The following CNTN5 variants were observed in gnomAD, a reference collection of about 807,000 sequenced individuals.
The protein encoded by CNTN5 is contactin 5, also known as contactin-5.
Under a neutral mutation model 129.1 loss-of-function variants are expected in CNTN5, and 77 were observed. The observed-to-expected ratio is 0.60, with a 90% confidence interval of 0.50 to 0.72. The LOEUF (loss-of-function observed/expected upper bound fraction) is 0.72. CNTN5 is among the 30% of genes least tolerant of loss of function. CNTN5 has a pLI of 0.00. For missense variants in CNTN5, 1,478 were observed against 1,328.8 expected (o/e 1.11, Z -1.75); for synonymous variants, 509 against 465.6 (o/e 1.09, Z -1.20).
Position 99,717,595 on chromosome 11 carries a change from G to A in CNTN5, c.56-101949G>A, listed in dbSNP as rs759891156. On this transcript the variant is annotated intron_variant, in intron 3 of 24. Coordinates refer to ENST00000524871, the MANE Select transcript of CNTN5 (RefSeq NM_014361.4). ...TAATTAAACAGGTGTTCCGAATCAA[G>A]CATTTTTTAATCAACACTTTTTAAG... Among the ~76,000 whole-genome samples the A allele has an allele frequency of 1.0e-3, 157 of 152,046 alleles. 3 individuals are homozygous for A. Among genetic ancestry groups the A allele is most frequent in the Non-Finnish European group, 3.1e-4 (21 of 67,982 alleles).
intron 1 of CNTN5, among the ~76,000 whole-genome samples, chr11:99,162,309 A>C (rs913528467): frequency 6.6e-6 from 1 of 151,742 alleles, no homozygotes; most frequent in African/African-American, 2.4e-5. Flanking sequence ...AAAAGAAGAG[A>C]GCCTTTGTAG....
intron 13 of CNTN5, among the ~76,000 whole-genome samples, chr11:100,132,130 C>A (rs74389850): frequency 0.015 from 2,285 of 152,160 alleles, 59 homozygotes; most frequent in African/African-American, 0.052. Flanking sequence ...TTCAACAATT[C>A]TTAGTTGAAC....
chr11:100,252,578 A>G (rs1170939161), intron 16 of CNTN5, among the ~76,000 whole-genome samples: 1 of 152,016 alleles, frequency 6.6e-6, no homozygotes, highest in Non-Finnish European at 1.5e-5. Flanking sequence ...TACATTTTGA[A>G]TTGATTTTTG....
intron 4 of CNTN5, among the ~76,000 whole-genome samples, chr11:99,827,686 A>G (rs904058353): frequency 1.7e-4 from 26 of 152,314 alleles, no homozygotes; most frequent in East Asian, 7.7e-4. Context: ...TTTGTTTCCA[A>G]TATTTTAACA....
chr11:100,080,514 G>A (rs1331199879), intron 13 of CNTN5, among the ~76,000 whole-genome samples: 1 of 152,128 alleles, frequency 6.6e-6, no homozygotes, highest in Non-Finnish European at 1.5e-5. Flanking sequence ...TACTGACTCA[G>A]AGACATATGG....
intron 18 of CNTN5, among the ~76,000 whole-genome samples, chr11:100,288,577 C>T (rs1471797410): frequency 6.6e-6 from 1 of 151,976 alleles, no homozygotes; most frequent in African/African-American, 2.4e-5. Flanking sequence ...AAAGACACAA[C>T]ATACCAGAAT....
intron 2 of CNTN5, among the ~76,000 whole-genome samples, chr11:99,381,214 A>T (rs1203488429): frequency 6.6e-6 from 1 of 152,174 alleles, no homozygotes; most frequent in African/African-American, 2.4e-5. Flanking sequence ...ACAATATAAA[A>T]TTCCCTGGAG....
intron 17 of CNTN5, among the ~76,000 whole-genome samples, chr11:100,267,289 A>AGG (rs1950326281): frequency 1.3e-5 from 2 of 151,914 alleles, no homozygotes; most frequent in Non-Finnish European, 2.9e-5. Flanking sequence ...ACAGAGAGAG[A>AGG]GAGAAAGAGA....
intron 1 of CNTN5, among the ~76,000 whole-genome samples, chr11:99,255,472 A>ATTACAC (rs1456128954): frequency 6.6e-6 from 1 of 151,134 alleles, no homozygotes; most frequent in African/African-American, 2.4e-5. Context: ...ATGCCTAATA[A>ATTACAC]TATTACACTA....
chr11:99,324,749 C>T (rs147774950), intron 1 of CNTN5, among the ~76,000 whole-genome samples: 3,584 of 152,208 alleles, frequency 0.024, 149 homozygotes, highest in African/African-American at 0.082. Flanking sequence ...TCACACCATT[C>T]TCCTGCCTCA....
chr11:99,221,228 A>T (rs2135702566), intron 1 of CNTN5, among the ~76,000 whole-genome samples: 1 of 152,036 alleles, frequency 6.6e-6, no homozygotes, highest in East Asian at 1.9e-4. Flanking sequence ...TTTTTTAATA[A>T]TTTTAATTTG....
At chr11:99,577,729 G>A (rs192269925) in intron 3 of CNTN5, among the ~76,000 whole-genome samples, 1 of 152,136 alleles carries the variant, frequency 6.6e-6, no homozygotes, top group East Asian at 1.9e-4. Context: ...ACAAAGTTTG[G>A]ACAGTTCTTT....
intron 1 of CNTN5, among the ~76,000 whole-genome samples, chr11:99,178,489 C>G (rs532697503): frequency 2.9e-4 from 44 of 152,130 alleles, no homozygotes; most frequent in South Asian, 1.9e-3. Context: ...CCACTGTACT[C>G]CAGCCTGGGT....
chr11:99,786,116 A>G (rs62097564), intron 3 of CNTN5, among the ~76,000 whole-genome samples: 2 of 152,148 alleles, frequency 1.3e-5, no homozygotes, highest in Admixed American at 6.5e-5. Flanking sequence ...CCGTCGTCTC[A>G]GCCCCAAATC....
chr11:99,767,497 C>G (rs1288008698), intron 3 of CNTN5, among the ~76,000 whole-genome samples: 2 of 151,930 alleles, frequency 1.3e-5, no homozygotes, highest in African/African-American at 4.8e-5. Flanking sequence ...ATTCAATTTC[C>G]TATAGCATAT....
chr11:99,705,918 A>C (rs1220285651), intron 3 of CNTN5, among the ~76,000 whole-genome samples: 1 of 151,520 alleles, frequency 6.6e-6, no homozygotes, highest in African/African-American at 2.4e-5. Context: ...ACAGAAAACT[A>C]CCCAACTAGA....
intron 8 of CNTN5, among the ~76,000 whole-genome samples, chr11:99,996,810 G>C (rs997111117): frequency 6.6e-6 from 1 of 152,088 alleles, no homozygotes; most frequent in Non-Finnish European, 1.5e-5. Flanking sequence ...GAGAGAGGGA[G>C]CATGGAAAAC....
Position 100,231,452 on chromosome 11 carries a change from C to T in CNTN5, c.2005+6640C>T, listed in dbSNP as rs565946863. Among the ~76,000 whole-genome samples the T allele has an allele frequency of 2.8e-4, 43 of 152,176 alleles. 1 individual carries two copies. The highest frequency in any genetic ancestry group is 6.8e-3 in the Middle Eastern group (2 of 294). On this transcript the variant is annotated intron_variant, in intron 16 of 24. Coordinates refer to ENST00000524871, the MANE Select transcript of CNTN5 (RefSeq NM_014361.4). ...GCCCACTGGTTATGTAAAATGAGAA[C>T]GAGAAGGCAAAGAAGATTGCCAATT...
intron 8 of CNTN5, among the ~76,000 whole-genome samples, chr11:99,987,457 T>A (rs1472391628): frequency 4.0e-5 from 6 of 151,012 alleles, no homozygotes; most frequent in African/African-American, 9.7e-5. Context: ...CATATATATT[T>A]TATATATATT....
Sources: gnomAD v4.1 joint callset for allele counts (sites outside exome capture counted in the v4.1 genomes callset) on GRCh38, gnomAD v4.1.1 for gene constraint, MANE v1.5 for transcripts, NCBI Gene and HGNC (gene_info 2026-07-23, HGNC 2026-07-21) for gene names.